COA1: variants seen among roughly 807,000 people sequenced by gnomAD.
COA1 encodes cytochrome c oxidase assembly factor 1.
A neutral mutation model predicts 16.0 loss-of-function variants in COA1; 13 were observed. The observed-to-expected ratio is 0.81, with a 90% CI of 0.53 to 1.29. The LOEUF is 1.29. COA1 is among the 50% of genes most tolerant of loss of function. COA1 has a pLI of 0.00. For synonymous variants in COA1, 65 were observed against 65.7 expected, an observed-to-expected ratio of 0.99 and a Z score of 0.05; for missense variants, 179 against 177.0, an observed-to-expected ratio of 1.01 and a Z score of -0.06.
intron 4 of COA1, among the ~76,000 whole-genome samples, chr7:43,642,596 G>A (rs370042730): frequency 2.6e-5 from 4 of 152,280 alleles, no homozygotes; most frequent in Admixed American, 1.3e-4. Flanking sequence ...AAAGGAAGGA[G>A]AAAGAAATGG....
At chr7:43,698,871 C>A (rs1319894805) in intron 1 of COA1, among the ~76,000 whole-genome samples, 1 of 152,122 alleles carries the variant, frequency 6.6e-6, no homozygotes, top group Non-Finnish European at 1.5e-5. Context: ...CATTTTTCCA[C>A]CACACAAATT....
chr7:43,725,521 A>G (rs905755896), intron 1 of COA1, among the ~76,000 whole-genome samples: 10 of 152,188 alleles, frequency 6.6e-5, no homozygotes, highest in African/African-American at 4.8e-5. Context: ...AAGCTATTGT[A>G]TATCACTTTC....
At chr7:43,610,570 G>T (rs913833998) in intron 6 of COA1, among the ~76,000 whole-genome samples, 1 of 151,958 alleles carries the variant, frequency 6.6e-6, no homozygotes, top group East Asian at 1.9e-4. Context: ...CAGAGGCTGA[G>T]GGGGGAGAAT....
intron 1 of COA1, among the ~76,000 whole-genome samples, chr7:43,664,000 G>A (rs935261360): frequency 4.6e-5 from 7 of 151,958 alleles, no homozygotes; most frequent in African/African-American, 1.7e-4. Context: ...AGGCTGCAGT[G>A]AGCCAAGATC....
At chr7:43,711,666 A>G (rs1196343957) in intron 1 of COA1, among the ~76,000 whole-genome samples, 1 of 152,250 alleles carries the variant, frequency 6.6e-6, no homozygotes, top group East Asian at 1.9e-4. Context: ...TAGATGGTAC[A>G]GCCTACAACA....
intron 1 of COA1, among the ~76,000 whole-genome samples, chr7:43,678,798 AT>A (rs888979555): frequency 2.0e-5 from 3 of 152,194 alleles, no homozygotes; most frequent in African/African-American, 7.2e-5. Context: ...TTAAAAAAAA[AT>A]AGAAAATAAC....
At chr7:43,674,864 G>A (rs2093440064) in intron 1 of COA1, among the ~76,000 whole-genome samples, 2 of 152,172 alleles carry the variant, frequency 1.3e-5, no homozygotes, top group South Asian at 4.1e-4. Context: ...CATGGCACAG[G>A]TATTAGGTAT....
At chr7:43,663,759 C>A (rs556619907) in intron 1 of COA1, among the ~76,000 whole-genome samples, 26 of 151,400 alleles carry the variant, frequency 1.7e-4, no homozygotes, top group African/African-American at 6.3e-4. Flanking sequence ...CAAGCCCCAG[C>A]AACTACCATT....
chr7:43,698,164 GTCAAAACACA>G (rs2094587954), intron 1 of COA1, among the ~76,000 whole-genome samples: 1 of 152,246 alleles, frequency 6.6e-6, no homozygotes, highest in East Asian at 1.9e-4. Context: ...ACTTTGCAAA[GTCAAAACACA>G]TTTATGGCAT....
chr7:43,679,478 G>A (rs1194058063), intron 1 of COA1, among the ~76,000 whole-genome samples: 1 of 151,980 alleles, frequency 6.6e-6, no homozygotes, highest in African/African-American at 2.4e-5. Context: ...ACACAACAAG[G>A]GCCATCTAAT....
intron 1 of COA1, among the ~76,000 whole-genome samples, chr7:43,677,624 C>A (rs2093591413): frequency 6.6e-6 from 1 of 151,884 alleles, no homozygotes; most frequent in Non-Finnish European, 1.5e-5. Flanking sequence ...CATGGTGAAA[C>A]CCCACCTCTA....
chr7:43,617,621 T>G (rs1439483125), intron 6 of COA1, among the ~76,000 whole-genome samples: 2 of 152,166 alleles, frequency 1.3e-5, no homozygotes, highest in African/African-American at 2.4e-5. Context: ...AGTCTGTTTT[T>G]GGTCATGTTG....
chr7:43,700,740 C>T (rs1009642174), intron 1 of COA1, among the ~76,000 whole-genome samples: 1 of 151,890 alleles, frequency 6.6e-6, no homozygotes, highest in Admixed American at 6.6e-5. Context: ...TTATAGTTTA[C>T]AAGTGTAGTG....
intron 1 of COA1, among the ~76,000 whole-genome samples, chr7:43,707,907 A>C (rs1008544424): frequency 6.6e-6 from 1 of 152,166 alleles, no homozygotes; most frequent in Admixed American, 6.5e-5. Flanking sequence ...GCATGCATAC[A>C]TTCTGCTTCT....
intron 3 of COA1, chr7:43,647,274 T>C: frequency 1.9e-6 from 1 of 530,002 alleles, no homozygotes; most frequent in Non-Finnish European, 3.4e-6. Flanking sequence ...GTGTGTGCAC[T>C]GGACTGAAAG....
At chr7:43,661,158 A>G (rs948339470) in intron 1 of COA1, among the ~76,000 whole-genome samples, 1 of 152,280 alleles carries the variant, frequency 6.6e-6, no homozygotes, top group Admixed American at 6.5e-5. Flanking sequence ...TTACTTTAGT[A>G]TGCTATGGCT....
chr7:43,703,390 T>TTAAAA (rs1367262214), intron 1 of COA1, among the ~76,000 whole-genome samples: 6 of 152,344 alleles, frequency 3.9e-5, no homozygotes, highest in Non-Finnish European at 4.4e-5. Flanking sequence ...AATATCTTTA[T>TTAAAA]TAGTTTTCTG....
At chr7:43,708,641 G>T (rs995038279) in intron 1 of COA1, among the ~76,000 whole-genome samples, 2 of 152,012 alleles carry the variant, frequency 1.3e-5, no homozygotes, top group Admixed American at 1.3e-4. Flanking sequence ...TGGCCACTTG[G>T]ATATTCTTTT....
At chr7:43,623,525 A>T (rs2084144313) in intron 6 of COA1, 6 of 1,551,018 alleles carry the variant, frequency 3.9e-6, no homozygotes, top group Non-Finnish European at 5.3e-6. Flanking sequence ...GCAAATTAGG[A>T]ATTTTTTTCC....
Sources: allele counts gnomAD v4.1 joint callset (sites outside exome capture counted in the v4.1 genomes callset), GRCh38; gene constraint gnomAD v4.1.1; transcripts MANE v1.5; gene names NCBI Gene and HGNC (gene_info 2026-07-23, HGNC 2026-07-21).